The following DAB1 variants were observed in gnomAD, a reference collection of about 807,000 sequenced individuals.
DAB1 encodes DAB adaptor protein 1, also known as disabled homolog 1.
In DAB1, 15 loss-of-function variants were observed where a neutral mutation model predicts 64.6. That is an observed-to-expected ratio of 0.23 (90% CI 0.16 to 0.36). DAB1 has a LOEUF of 0.36. DAB1 is among the 10% of genes least tolerant of loss of function. DAB1 has a pLI of 1.00. For missense variants in DAB1, 596 were observed against 706.7 expected, an observed-to-expected ratio of 0.84 and a Z score of 1.78; for synonymous variants, 235 against 251.9, an observed-to-expected ratio of 0.93 and a Z score of 0.64.
chr1:58,492,303 A>G lies in DAB1; in HGVS notation n.257+13757T>C, dbSNP rs554772988. Among the ~76,000 whole-genome samples the G allele has an allele frequency of 4.6e-5, 7 of 152,306 alleles. No homozygotes were observed. The South Asian group carries it at 8.3e-4, about 18-fold the overall frequency. On this transcript the variant is annotated intron_variant and non_coding_transcript_variant, in intron 3 of 20. Transcript: ENST00000485760. ...AATTTATAGCACTAAATGCTCACAA[A>G]AGAAAGCAGGAAAGATCTAAAATTG... is the stretch of plus-strand genomic sequence containing the variant.
chr1:58,382,175 C>T (rs369507781), intron 3 of DAB1, among the ~76,000 whole-genome samples: 2 of 152,104 alleles, frequency 1.3e-5, no homozygotes, highest in African/African-American at 4.8e-5. Flanking sequence ...ATGTCATTCT[C>T]CCAGGTCTGG....
intron 7 of DAB1, among the ~76,000 whole-genome samples, chr1:57,601,864 G>A (rs948373951): frequency 4.0e-5 from 6 of 151,862 alleles, no homozygotes; most frequent in Non-Finnish European, 8.8e-5. Context: ...TAATTTCCAG[G>A]GTTTAAAAAG....
chr1:58,541,634 A>AAAAAAAAAC (rs1646620911), intron 1 of DAB1: 2 of 148,860 alleles, frequency 1.3e-5, no homozygotes, highest in Non-Finnish European at 1.5e-5. Context: ...AAAAAAAAAA[A>AAAAAAAAAC]AAAAAAACCA....
intron 5 of DAB1, among the ~76,000 whole-genome samples, chr1:57,945,128 G>C (rs1645165370): frequency 6.6e-6 from 1 of 152,114 alleles, no homozygotes; most frequent in Non-Finnish European, 1.5e-5. Flanking sequence ...GGCGATTTCT[G>C]CCTGCAACAT....
intron 9 of DAB1, among the ~76,000 whole-genome samples, chr1:57,059,334 A>G (rs1650148991): frequency 6.6e-6 from 1 of 152,216 alleles, no homozygotes; most frequent in African/African-American, 2.4e-5. Flanking sequence ...TCTGAAGACC[A>G]GGCTCTGTGC....
chr1:57,243,554 C>G (rs370602621), intron 2 of DAB1, among the ~76,000 whole-genome samples: 5 of 152,140 alleles, frequency 3.3e-5, no homozygotes, highest in Admixed American at 1.3e-4. Flanking sequence ...GCCCGGACTC[C>G]CTACCCTCTT....
chr1:57,517,258 C>T (rs1644473829), intron 7 of DAB1, among the ~76,000 whole-genome samples: 1 of 152,058 alleles, frequency 6.6e-6, no homozygotes, highest in African/African-American at 2.4e-5. Context: ...GACTCCTGAG[C>T]TCAAACAATC....
At chr1:58,229,802 G>A (rs908165365) in intron 4 of DAB1, among the ~76,000 whole-genome samples, 4 of 152,170 alleles carry the variant, frequency 2.6e-5, no homozygotes, top group African/African-American at 9.7e-5. Flanking sequence ...ACCCAAGGGG[G>A]AAGCAGTACG....
At chr1:57,983,040 C>T (rs918505275) in intron 5 of DAB1, among the ~76,000 whole-genome samples, 3 of 152,188 alleles carry the variant, frequency 2.0e-5, no homozygotes, top group African/African-American at 7.2e-5. Context: ...TGTTTGAGTC[C>T]AATTCCTGCT....
intron 7 of DAB1, among the ~76,000 whole-genome samples, chr1:57,433,662 T>A (rs993129111): frequency 7.9e-5 from 12 of 152,040 alleles, no homozygotes; most frequent in South Asian, 2.1e-4. Context: ...TTGAACTTTA[T>A]CACAGTTTAG....
intron 3 of DAB1, among the ~76,000 whole-genome samples, chr1:58,480,365 T>G (rs908696363): frequency 2.0e-5 from 3 of 152,166 alleles, no homozygotes; most frequent in Non-Finnish European, 4.4e-5. Context: ...TCTGTGGAAA[T>G]GCCCTCTCCC....
intron 6 of DAB1, among the ~76,000 whole-genome samples, chr1:57,741,563 A>T (rs1036328185): frequency 2.0e-5 from 3 of 152,222 alleles, no homozygotes; most frequent in Non-Finnish European, 4.4e-5. Context: ...TCAGTTTCCC[A>T]GTTGGGACCA....
At chr1:57,133,065 A>G (rs760823570) in intron 4 of DAB1, among the ~76,000 whole-genome samples, 11 of 152,144 alleles carry the variant, frequency 7.2e-5, no homozygotes, top group Non-Finnish European at 1.3e-4. Context: ...TGGTGATAAT[A>G]ATAGCATTTA....
At chr1:58,530,746 T>C (rs1646422307) in intron 1 of DAB1, 1 of 868,838 alleles carries the variant, frequency 1.2e-6, no homozygotes, top group African/African-American at 1.6e-5. Context: ...ATAATCAAAA[T>C]AATAAAAACT....
chr1:57,723,308 A>C (rs552426558), intron 6 of DAB1, among the ~76,000 whole-genome samples: 2 of 152,252 alleles, frequency 1.3e-5, no homozygotes, highest in South Asian at 4.1e-4. Flanking sequence ...TGCTCAACAA[A>C]TGTCAGCTAT....
chr1:57,245,524 T>TA (rs1668803006), intron 2 of DAB1, among the ~76,000 whole-genome samples: 1 of 152,100 alleles, frequency 6.6e-6, no homozygotes, highest in Non-Finnish European at 1.5e-5. Flanking sequence ...GAGTGAGAAC[T>TA]TGTGGTGTTT....
chr1:57,665,403 A>G (rs2101675767), intron 6 of DAB1, among the ~76,000 whole-genome samples: 1 of 152,242 alleles, frequency 6.6e-6, no homozygotes, highest in East Asian at 1.9e-4. Flanking sequence ...TAGAAGTTTA[A>G]AGTGGTACAA....
chr1:57,801,088 A>G (rs1206959502), intron 6 of DAB1, among the ~76,000 whole-genome samples: 1 of 152,208 alleles, frequency 6.6e-6, no homozygotes, highest in East Asian at 1.9e-4. Context: ...CACAACATCA[A>G]GACATAGCAT....
intron 6 of DAB1, among the ~76,000 whole-genome samples, chr1:57,714,169 G>A (rs1647057673): frequency 8.5e-6 from 1 of 117,628 alleles, no homozygotes; most frequent in African/African-American, 4.7e-5. Flanking sequence ...CCTGTTTTAT[G>A]TAATTTACAC....
Sources: gnomAD v4.1 joint callset for allele counts (sites outside exome capture counted in the v4.1 genomes callset) on GRCh38, gnomAD v4.1.1 for gene constraint, MANE v1.5 for transcripts, NCBI Gene and HGNC (gene_info 2026-07-23, HGNC 2026-07-21) for gene names.